Variants in MINPP1 observed in about 807,000 individuals in gnomAD.
The protein encoded by MINPP1 is multiple inositol polyphosphate phosphatase 1.
A neutral mutation model predicts 46.1 loss-of-function variants in MINPP1; 28 were observed. That is an observed-to-expected ratio of 0.61 (90% CI 0.45 to 0.83). MINPP1 has a LOEUF of 0.83. Ranked by LOEUF, MINPP1 falls within the 40% of genes least tolerant of loss-of-function variation. MINPP1 has a pLI of 0.00. For missense variants in MINPP1, 603 were observed against 610.0 expected, an observed-to-expected ratio of 0.99 and a Z score of 0.12; for synonymous variants, 268 against 249.1, an observed-to-expected ratio of 1.08 and a Z score of -0.72.
chr10:87,513,016 A>G (rs1442918285), intron 2 of MINPP1, 108 bp from the exon 3 acceptor site: 2 of 771,810 alleles, frequency 2.6e-6, no homozygotes, highest in Non-Finnish European at 4.6e-6. Context: ...CAAACTGAAG[A>G]TGTCCATTTT....
intron 4 of MINPP1, among the ~76,000 whole-genome samples, chr10:87,530,191 C>T (rs1280220559): frequency 1.3e-5 from 2 of 152,356 alleles, no homozygotes; most frequent in Admixed American, 6.5e-5. Context: ...TACCAATCGT[C>T]TGAAGCCTTC....
chr10:87,508,627 C>A (rs1851290626), intron 2 of MINPP1, 94 bp downstream of exon 2: 7 of 1,224,970 alleles, frequency 5.7e-6, no homozygotes, highest in South Asian at 1.3e-5. Context: ...TTTTTAAAGA[C>A]CCATAATTGA....
At chr10:87,519,999 T>G (rs1851475418) in intron 3 of MINPP1, among the ~76,000 whole-genome samples, 1 of 152,054 alleles carries the variant, frequency 6.6e-6, no homozygotes, top group Admixed American at 6.6e-5. Flanking sequence ...ATAGGTAGGT[T>G]TCAAACCGTT....
rs565847601 is a variant in MINPP1 at position 87,505,233 on chromosome 10, C to T, written c.318C>T (p.His106=). 6 of 1,612,540 alleles carry T rather than the reference C, an allele frequency of 3.7e-6. No individual in the cohort carries two copies. Among genetic ancestry groups the T allele is most frequent in the East Asian group, 4.5e-5 (2 of 44,856 alleles). The change falls in exon 1 of 5, where the codon CAC becomes CAT. Residue 106 remains histidine, a synonymous_variant. Transcript: ENST00000371996. This position sits in a 1 kb window ranked among gnomAD's most constrained non-coding sequence, Gnocchi z 4.4. ...VKQIRKLRQL[H]GLLQARGSRD... is the part of the protein sequence containing the mutation. The stretch of plus-strand genomic sequence containing the variant: ...AGATCCGCAAGCTGAGGCAGCTGCA[C>T]GGGTTGCTGCAGGCCCGCGGGTCCA...
chr10:87,522,394 T>TA (rs1339168039), intron 4 of MINPP1, among the ~76,000 whole-genome samples: 1 of 152,008 alleles, frequency 6.6e-6, no homozygotes, highest in Non-Finnish European at 1.5e-5. Context: ...CATTATTTTT[T>TA]AAAACAGTTT....
chr10:87,549,450 C>T (rs1851932487), intron 4 of MINPP1, among the ~76,000 whole-genome samples: 1 of 152,174 alleles, frequency 6.6e-6, no homozygotes, highest in Non-Finnish European at 1.5e-5. Flanking sequence ...CCTGTGCTCT[C>T]CAACACAGTA....
rs1030864515 is a variant in MINPP1, at chr10:87,505,613, C to T, written c.637+61C>T. 17 of 1,502,778 alleles carry T rather than the reference C, an allele frequency of 1.1e-5. No individual in the cohort carries two copies. Among genetic ancestry groups the T allele is most frequent in the Non-Finnish European group, 1.3e-5 (14 of 1,115,696 alleles). 93.1% of individuals were successfully genotyped at this position (1,502,778 alleles called of 1,614,324 possible). ...CTCCCACCCGCCCTGGATGCTCTCC[C>T]GCCTCCCCCAGACCCTGGGCTTTTC... On this transcript the variant is annotated intron_variant, in intron 1 of 4. Coordinates refer to ENST00000371996, the MANE Select transcript of MINPP1 (RefSeq NM_004897.5). This position sits in a 1 kb window ranked among gnomAD's most constrained non-coding sequence, Gnocchi z 4.4.
At chr10:87,528,897 A>G (rs1470129245) in intron 4 of MINPP1, among the ~76,000 whole-genome samples, 2 of 152,156 alleles carry the variant, frequency 1.3e-5, no homozygotes, top group Non-Finnish European at 2.9e-5. Flanking sequence ...GTGCTCGTGT[A>G]TTGGGTGCAT....
rs376159805 is a variant in MINPP1, at chr10:87,505,123, G to T, written c.208G>T (p.Asp70Tyr). 1.4e-5 allele frequency: 22 copies of T among 1,612,744 alleles called. No homozygotes were observed. The highest frequency in any genetic ancestry group is 1.7e-5 in the Admixed American group (1 of 59,920). ...LLSGPEAPWR[D>Y]PELLEGTCTP... is the part of the protein sequence containing the mutation. ...GTCGGGCCCCGAGGCTCCGTGGCGGGACCCTGAGCTGCTGGAGGGGACCTG... is the reference window on the plus strand; with the variant it reads ...GTCGGGCCCCGAGGCTCCGTGGCGGTACCCTGAGCTGCTGGAGGGGACCTG... Residue 70 changes from aspartate (D) to tyrosine (Y), a missense_variant, in exon 1 of 5, where the codon GAC (aspartate) becomes TAC (tyrosine). Transcript: ENST00000371996. This position sits in a 1 kb window ranked among gnomAD's most constrained non-coding sequence, Gnocchi z 4.4.
chr10:87,539,178 A>G (rs1851778828), intron 4 of MINPP1, among the ~76,000 whole-genome samples: 1 of 152,202 alleles, frequency 6.6e-6, no homozygotes, highest in African/African-American at 2.4e-5. Context: ...CTAAAACATT[A>G]TGATTCTGTA....
chr10:87,513,371 TAA>T, intron 3 of MINPP1, 150 bp downstream of exon 3: 1 of 645,774 alleles, frequency 1.5e-6, no homozygotes, highest in South Asian at 1.8e-5. Flanking sequence ...TTTCCTTAAA[TAA>T]AGAGAGATTA....
At chr10:87,514,434 G>A (rs1851382254) in intron 3 of MINPP1, among the ~76,000 whole-genome samples, 1 of 152,028 alleles carries the variant, frequency 6.6e-6, no homozygotes, top group Non-Finnish European at 1.5e-5. Context: ...TGTTTTATAA[G>A]ATTCAGGATC....
Position 87,516,592 on chromosome 10 carries a change from G to T in MINPP1, c.933+3371G>T, listed in dbSNP as rs770616341. On this transcript the variant is annotated intron_variant, in intron 3 of 4. Coordinates refer to ENST00000371996, the MANE Select transcript of MINPP1 (RefSeq NM_004897.5). Reference sequence around the variant, plus strand: ...ATAAGTTGCAGACTGCCCATGAAAGGTGTAGTGGGGCACAAAGGAGAAAGT... The same window carrying T: ...ATAAGTTGCAGACTGCCCATGAAAGTTGTAGTGGGGCACAAAGGAGAAAGT... Among the ~76,000 whole-genome samples, 6 of 104,630 alleles carry T rather than the reference G, an allele frequency of 5.7e-5. 2 individuals are homozygous for T. Among genetic ancestry groups the T allele is most frequent in the Admixed American group, 2.7e-4 (3 of 11,150 alleles). The allele number at this position is 104,630 out of a possible 152,430, so 68.6% of individuals were successfully genotyped here.
chr10:87,508,675 A>G (rs891693838), intron 2 of MINPP1, 142 bp downstream of exon 2: 2 of 793,416 alleles, frequency 2.5e-6, no homozygotes, highest in Non-Finnish European at 4.1e-6. Context: ...GGTCAAAAAA[A>G]TTGTATACCT....
chr10:87,528,114 T>C (rs1333909591), intron 4 of MINPP1, among the ~76,000 whole-genome samples: 1 of 152,200 alleles, frequency 6.6e-6, no homozygotes, highest in Non-Finnish European at 1.5e-5. Context: ...TTTATTAGTC[T>C]TGCTAGCAGT....
chr10:87,523,420 G>A (rs964867645), intron 4 of MINPP1, among the ~76,000 whole-genome samples: 10 of 150,858 alleles, frequency 6.6e-5, no homozygotes, highest in African/African-American at 1.9e-4. Flanking sequence ...GCGTGATCTC[G>A]GCTCATTGCA....
chr10:87,526,388 G>C (rs1345906269), intron 4 of MINPP1, among the ~76,000 whole-genome samples: 2 of 152,096 alleles, frequency 1.3e-5, no homozygotes, highest in Non-Finnish European at 2.9e-5. Flanking sequence ...TTTTTGATGG[G>C]GTTGTTTGAT....
rs568866798 is a variant in MINPP1, at chr10:87,506,020, CTTT to C, written c.637+481_637+483del. 4.2e-5 allele frequency among the ~76,000 whole-genome samples: 6 copies of C among 142,968 alleles called. No homozygotes were observed. The South Asian group carries it at 1.1e-3, about 27-fold the overall frequency. 93.8% of individuals were successfully genotyped at this position (142,968 alleles called of 152,430 possible). ...TTCCGATACTAGTTTTTCCTTCTTTCTTTTTTTTTTTTTTTAAACTCATCATCT... is the reference window on the plus strand; with the variant it reads ...TTCCGATACTAGTTTTTCCTTCTTTCTTTTTTTTTTTTAAACTCATCATCT... On this transcript the variant is annotated intron_variant, in intron 1 of 4. Transcript: ENST00000371996.
At chr10:87,533,684 C>T (rs1851691244) in intron 4 of MINPP1, among the ~76,000 whole-genome samples, 1 of 151,890 alleles carries the variant, frequency 6.6e-6, no homozygotes, top group Admixed American at 6.6e-5. Flanking sequence ...TTACTAAATA[C>T]CTCAACTCTC....
Sources: gnomAD v4.1 joint callset for allele counts (sites outside exome capture counted in the v4.1 genomes callset) on GRCh38, gnomAD v4.1.1 for gene constraint, Gnocchi (gnomAD v3.1) non-coding constraint, MANE v1.5 for transcripts, NCBI Gene and HGNC (gene_info 2026-07-23, HGNC 2026-07-21) for gene names.